The following NELL1 variants were observed in gnomAD, a reference collection of about 807,000 sequenced individuals.
The protein encoded by NELL1 is neural EGFL like 1.
A neutral mutation model predicts 107.4 loss-of-function variants in NELL1; 76 were observed. That is an observed-to-expected ratio of 0.71 (90% confidence interval 0.59 to 0.86). The LOEUF is 0.86. Ranked by LOEUF, NELL1 falls within the 40% of genes least tolerant of loss-of-function variation. NELL1 has a pLI of 0.00. For synonymous variants in NELL1, 353 were observed against 341.2 expected, an observed-to-expected ratio of 1.03 and a Z score of -0.38; for missense variants, 1,024 against 1,005.5, an observed-to-expected ratio of 1.02 and a Z score of -0.25.
At chr11:21,158,664 A>G (rs1463009370) in intron 13 of NELL1, among the ~76,000 whole-genome samples, 1 of 152,210 alleles carries the variant, frequency 6.6e-6, no homozygotes, top group Non-Finnish European at 1.5e-5. Flanking sequence ...TATTTGGGAA[A>G]TAATTTTTCA....
At chr11:20,930,653 A>G (rs1378652332) in intron 9 of NELL1, among the ~76,000 whole-genome samples, 1 of 152,168 alleles carries the variant, frequency 6.6e-6, no homozygotes, top group Non-Finnish European at 1.5e-5. Flanking sequence ...GGCCCTGGAT[A>G]CATACAGTTA....
At position 21,418,206 on chromosome 11, in the gene NELL1, T is replaced by C. The variant is rs549615412; in HGVS notation, c.1645+47258T>C. Among the ~76,000 whole-genome samples, 206 of 152,200 alleles carry C rather than the reference T, an allele frequency of 1.4e-3. 6 individuals are homozygous for C. In the South Asian group the frequency reaches 0.042, roughly 31 times the overall value. On this transcript the variant is annotated intron_variant, in intron 15 of 19. Transcript: ENST00000357134. Reference sequence around the variant, plus strand: ...GTACTGAGAAAAATAGGGTTTCTGCTTCTGGGGATGGTGGTAGAAGACATG... The same window carrying C: ...GTACTGAGAAAAATAGGGTTTCTGCCTCTGGGGATGGTGGTAGAAGACATG...
intron 15 of NELL1, among the ~76,000 whole-genome samples, chr11:21,508,529 C>T (rs1357948278): frequency 6.6e-6 from 1 of 152,086 alleles, no homozygotes; most frequent in Non-Finnish European, 1.5e-5. Flanking sequence ...TTAATATAAA[C>T]AGCTACGAAA....
chr11:20,975,818 A>ATGTATTATATGATATACATATTATATG lies in NELL1; in HGVS notation c.1300+15268_1300+15269insGATATACATATTATATGTGTATTATAT, dbSNP rs1564995384. Among the ~76,000 whole-genome samples the ATGTATTATATGATATACATATTATATG allele has an allele frequency of 3.9e-5, 5 of 128,596 alleles. No individual in the cohort carries two copies. In the East Asian group the frequency reaches 1.3e-3, roughly 33 times the overall value. The allele number at this position is 128,596 out of a possible 152,430, so 84.4% of individuals were successfully genotyped here. On this transcript the variant is annotated intron_variant, in intron 12 of 19. Transcript: ENST00000357134. ...GTATTATATGATATACATATTATAT[A>ATGTATTATATGATATACATATTATATG]TGTATTATATATGTACATATGTGTA...
At chr11:20,726,236 T>A (rs566337782) in intron 2 of NELL1, among the ~76,000 whole-genome samples, 49 of 152,192 alleles carry the variant, frequency 3.2e-4, no homozygotes, top group African/African-American at 1.2e-3. Context: ...GGTAGAATGA[T>A]TTTTTTTGGG....
At chr11:21,532,891 T>G (rs1856028644) in intron 15 of NELL1, among the ~76,000 whole-genome samples, 1 of 152,176 alleles carries the variant, frequency 6.6e-6, no homozygotes, top group Admixed American at 6.5e-5. Flanking sequence ...GTTTTAAAGT[T>G]TTTAGTGATC....
In NELL1 at chr11:21,312,354, T is replaced by TG. The variant is rs1849767810; in HGVS notation, c.1550-58498dup. Among the ~76,000 whole-genome samples, 3 of 151,590 alleles carry TG rather than the reference T, an allele frequency of 2.0e-5. No homozygotes were observed. In the South Asian group the frequency reaches 6.3e-4, roughly 32 times the overall value. ...CTCTTTTAGAAAGGATTTTTTTTTT[T>TG]GTATGATAGTTTTTTCTTTATTTTT... is the stretch of plus-strand genomic sequence containing the variant. On this transcript the variant is annotated intron_variant, in intron 14 of 19. Transcript: ENST00000357134.
intron 12 of NELL1, among the ~76,000 whole-genome samples, chr11:21,007,915 G>A (rs1167449257): frequency 6.6e-6 from 1 of 152,020 alleles, no homozygotes. Flanking sequence ...AATTTGCAAA[G>A]GCTCAGATGA....
chr11:21,176,148 T>C (rs1329267201), intron 13 of NELL1, among the ~76,000 whole-genome samples: 1 of 151,870 alleles, frequency 6.6e-6, no homozygotes, highest in African/African-American at 2.4e-5. Flanking sequence ...CTAATGCATA[T>C]AAAACAGTGC....
intron 12 of NELL1, among the ~76,000 whole-genome samples, chr11:21,063,577 G>T (rs1853796805): frequency 6.6e-6 from 1 of 152,124 alleles, no homozygotes; most frequent in Non-Finnish European, 1.5e-5. Context: ...ATATAACAAA[G>T]ACACACTTAT....
intron 15 of NELL1, among the ~76,000 whole-genome samples, chr11:21,414,522 G>A (rs1214532480): frequency 8.4e-6 from 1 of 118,556 alleles, no homozygotes; most frequent in East Asian, 2.8e-4. Flanking sequence ...CACTGATACG[G>A]CAAATGGACT....
At chr11:21,053,427 A>G (rs1853544231) in intron 12 of NELL1, among the ~76,000 whole-genome samples, 1 of 152,072 alleles carries the variant, frequency 6.6e-6, no homozygotes, top group Middle Eastern at 3.2e-3. Flanking sequence ...AGCTTCATCC[A>G]TGTCTCTGCA....
At chr11:20,678,514 C>T (rs533290504) in intron 2 of NELL1, among the ~76,000 whole-genome samples, 12 of 152,262 alleles carry the variant, frequency 7.9e-5, no homozygotes, top group African/African-American at 2.6e-4. Flanking sequence ...CCACTATAAG[C>T]GGGACCACAA....
intron 2 of NELL1, among the ~76,000 whole-genome samples, chr11:20,778,240 C>T (rs904319617): frequency 3.9e-5 from 6 of 152,152 alleles, no homozygotes; most frequent in Admixed American, 6.5e-5. Context: ...CAACTATTGT[C>T]ATAAGGAAAC....
intron 12 of NELL1, among the ~76,000 whole-genome samples, chr11:21,108,371 A>G (rs553002576): frequency 1.3e-5 from 2 of 152,302 alleles, no homozygotes; most frequent in South Asian, 4.1e-4. Flanking sequence ...TGCCACATCA[A>G]GTTTCATTTT....
chr11:20,695,901 C>T (rs1326456117), intron 2 of NELL1, among the ~76,000 whole-genome samples: 1 of 138,242 alleles, frequency 7.2e-6, no homozygotes, highest in East Asian at 1.9e-4. Context: ...ATCCATCTGG[C>T]CTGGGCTTTT....
intron 2 of NELL1, among the ~76,000 whole-genome samples, chr11:20,703,448 C>A (rs1260758224): frequency 1.3e-5 from 2 of 152,114 alleles, no homozygotes; most frequent in African/African-American, 4.8e-5. Flanking sequence ...TTTCAAAAAA[C>A]CAGCTCCCGG....
At chr11:21,552,964 A>C (rs1264293457) in intron 16 of NELL1, among the ~76,000 whole-genome samples, 1 of 151,864 alleles carries the variant, frequency 6.6e-6, no homozygotes, top group East Asian at 1.9e-4. Flanking sequence ...AATAATATGC[A>C]TGAAAGGACT....
intron 9 of NELL1, among the ~76,000 whole-genome samples, chr11:20,930,201 A>G (rs1241607710): frequency 6.6e-6 from 1 of 152,160 alleles, no homozygotes; most frequent in East Asian, 1.9e-4. Flanking sequence ...GAAAACACAG[A>G]GAATCATAAA....
Sources: gnomAD v4.1 joint callset for allele counts (sites outside exome capture counted in the v4.1 genomes callset) on GRCh38, gnomAD v4.1.1 for gene constraint, MANE v1.5 for transcripts, NCBI Gene and HGNC (gene_info 2026-07-23, HGNC 2026-07-21) for gene names.